Variants in L3MBTL4 observed in about 807,000 individuals in gnomAD.
L3MBTL4 encodes the protein lethal(3)malignant brain tumor-like protein 4.
Under a neutral mutation model 84.5 loss-of-function variants are expected in L3MBTL4, and 70 were observed. The ratio of observed to expected loss-of-function variants is 0.83; its 90% CI spans 0.68 to 1.01. L3MBTL4 has a LOEUF of 1.01. L3MBTL4 is among the 50% of genes least tolerant of loss of function. The pLI is 0.00. For missense variants in L3MBTL4, 715 were observed against 754.8 expected (o/e 0.95, Z 0.62); for synonymous variants, 274 against 259.8 (o/e 1.05, Z -0.52).
chr18:6,317,536 C>T (rs1476848635), intron 1 of L3MBTL4, among the ~76,000 whole-genome samples: 1 of 151,878 alleles, frequency 6.6e-6, no homozygotes, highest in Non-Finnish European at 1.5e-5. Context: ...CTTTTGTTCA[C>T]CCAATCAAAC....
Position 6,159,472 on chromosome 18 carries a change from A to G in L3MBTL4, c.1096+12356T>C, listed in dbSNP as rs545010056. Among the ~76,000 whole-genome samples the G allele has an allele frequency of 1.2e-3, 176 of 152,268 alleles. 1 individual carries two copies. The South Asian group carries it at 0.012, about 11-fold the overall frequency. ...CATCAGTTTCATATTCCACACCCCT[A>G]TCTTTGGTGACTAGGATAAGAGAAG... On this transcript the variant is annotated intron_variant, in intron 13 of 18. Transcript: ENST00000317931.
chr18:6,088,275 G>A (rs1466016291), intron 15 of L3MBTL4, among the ~76,000 whole-genome samples: 1 of 152,206 alleles, frequency 6.6e-6, no homozygotes, highest in African/African-American at 2.4e-5. Flanking sequence ...TGGCCTCTCA[G>A]GGCTGGCCAC....
rs185845661 is a variant in L3MBTL4 at position 6,096,858 on chromosome 18, T to C, written c.1200-3330A>G. Among the ~76,000 whole-genome samples the C allele has an allele frequency of 1.2e-3, 181 of 152,310 alleles. 1 individual carries two copies. The highest frequency in any genetic ancestry group is 2.1e-3 in the Admixed American group (32 of 15,288). On this transcript the variant is annotated intron_variant, in intron 14 of 18. Coordinates refer to ENST00000317931, the MANE Select transcript of L3MBTL4 (RefSeq NM_001330559.2). ...TCAGTGTCTGATTGGTAGGGAGTAA[T>C]ATATTCAAATTCCAGTTGGTTGATT...
At chr18:6,168,030 T>C (rs1461395950) in intron 13 of L3MBTL4, among the ~76,000 whole-genome samples, 3 of 151,982 alleles carry the variant, frequency 2.0e-5, no homozygotes, top group Non-Finnish European at 4.4e-5. Context: ...TATACACCAA[T>C]AACAGACAAA....
At chr18:6,299,758 C>G (rs558196075) in intron 4 of L3MBTL4, among the ~76,000 whole-genome samples, 1 of 152,310 alleles carries the variant, frequency 6.6e-6, no homozygotes, top group Admixed American at 6.5e-5. Context: ...CAGCCTCGAC[C>G]TTCTGAGTTC....
chr18:5,968,180 G>T (rs2052447375), intron 17 of L3MBTL4, among the ~76,000 whole-genome samples: 1 of 152,232 alleles, frequency 6.6e-6, no homozygotes, highest in Non-Finnish European at 1.5e-5. Flanking sequence ...GGAACATTGT[G>T]TGACTAATTT....
chr18:6,328,751 C>T (rs1374082880), intron 1 of L3MBTL4, among the ~76,000 whole-genome samples: 2 of 152,042 alleles, frequency 1.3e-5, no homozygotes, highest in Non-Finnish European at 2.9e-5. Flanking sequence ...TGGTGACAGG[C>T]GAGAAGTCAG....
At chr18:6,219,116 T>A (rs2046442761) in intron 10 of L3MBTL4, among the ~76,000 whole-genome samples, 1 of 152,104 alleles carries the variant, frequency 6.6e-6, no homozygotes, top group Admixed American at 6.5e-5. Context: ...CTACATTTTT[T>A]AGGTGAGAAC....
chr18:6,257,455 G>T (rs2048191903), intron 5 of L3MBTL4, among the ~76,000 whole-genome samples: 1 of 151,906 alleles, frequency 6.6e-6, no homozygotes, highest in Non-Finnish European at 1.5e-5. Context: ...TGGGAAAGAA[G>T]GTTGGAAAAA....
chr18:6,327,963 C>T (rs2051817038), intron 1 of L3MBTL4, among the ~76,000 whole-genome samples: 2 of 152,160 alleles, frequency 1.3e-5, no homozygotes, highest in Admixed American at 6.5e-5. Flanking sequence ...CCTTAAAAAA[C>T]AATGAAGACA....
At chr18:5,968,174 C>T (rs921339227) in intron 17 of L3MBTL4, among the ~76,000 whole-genome samples, 2 of 152,216 alleles carry the variant, frequency 1.3e-5, no homozygotes, top group Admixed American at 6.5e-5. Flanking sequence ...GCTCCAGGAA[C>T]ATTGTGTGAC....
intron 13 of L3MBTL4, among the ~76,000 whole-genome samples, chr18:6,154,073 T>C (rs1034646051): frequency 6.6e-6 from 1 of 152,178 alleles, no homozygotes; most frequent in Non-Finnish European, 1.5e-5. Context: ...CTAATTACTA[T>C]GGCTTGGATT....
intron 4 of L3MBTL4, among the ~76,000 whole-genome samples, 161 bp from the exon 5 acceptor site, chr18:6,264,199 T>TG (rs141179512): frequency 0.047 from 7,161 of 152,228 alleles, 229 homozygotes; most frequent in Non-Finnish European, 0.069. Context: ...ATATGAACAT[T>TG]TAGTAAAATC....
At chr18:6,087,517 G>C (rs1402032203) in intron 15 of L3MBTL4, among the ~76,000 whole-genome samples, 1 of 152,140 alleles carries the variant, frequency 6.6e-6, no homozygotes, top group South Asian at 2.1e-4. Context: ...GGAGCTGGAG[G>C]GGGGCTGCTC....
intron 1 of L3MBTL4, among the ~76,000 whole-genome samples, chr18:6,377,453 C>T (rs2054414619): frequency 6.6e-6 from 1 of 152,122 alleles, no homozygotes; most frequent in Non-Finnish European, 1.5e-5. Flanking sequence ...GGTATTTCTC[C>T]TAATGCTATC....
intron 16 of L3MBTL4, among the ~76,000 whole-genome samples, chr18:6,048,685 A>C (rs886256335): frequency 9.2e-5 from 14 of 151,908 alleles, no homozygotes; most frequent in Admixed American, 9.2e-4. Context: ...GCTACTAGGG[A>C]CACTAAGGTG....
At chr18:6,042,008 C>G (rs570119807) in intron 16 of L3MBTL4, among the ~76,000 whole-genome samples, 7 of 152,278 alleles carry the variant, frequency 4.6e-5, no homozygotes, top group Admixed American at 4.6e-4. Context: ...TGGGCATGAA[C>G]TACCACCCGG....
At chr18:6,389,617 T>C (rs341209) in intron 1 of L3MBTL4, among the ~76,000 whole-genome samples, 76,945 of 151,924 alleles carry the variant, frequency 0.51, 19,541 homozygotes, top group East Asian at 0.59. Context: ...AAATATTCCA[T>C]GCAAATGGAA....
chr18:6,102,381 C>T (rs1210281697), intron 14 of L3MBTL4, among the ~76,000 whole-genome samples: 2 of 152,204 alleles, frequency 1.3e-5, no homozygotes, highest in Non-Finnish European at 2.9e-5. Context: ...TCAGTGTCTC[C>T]AAACTCAGGC....
Sources: gnomAD v4.1 joint callset for allele counts (sites outside exome capture counted in the v4.1 genomes callset) on GRCh38, gnomAD v4.1.1 for gene constraint, MANE v1.5 for transcripts, NCBI Gene and HGNC (gene_info 2026-07-23, HGNC 2026-07-21) for gene names.